Variants in ASNS observed in about 807,000 individuals in gnomAD.
ASNS encodes the protein asparagine synthetase (glutamine-hydrolyzing).
Under a neutral mutation model 62.6 loss-of-function variants are expected in ASNS, and 37 were observed. The ratio of observed to expected loss-of-function variants is 0.59; its 90% CI spans 0.45 to 0.78. The LOEUF (loss-of-function observed/expected upper bound fraction) is 0.78. Among genes scored for constraint, ASNS ranks in the 30% least tolerant of loss-of-function variants. ASNS has a pLI of 0.00. For synonymous variants in ASNS, 207 were observed against 237.9 expected (o/e 0.87, Z 1.19); for missense variants, 520 against 682.4 (o/e 0.76, Z 2.65).
the ASNS span, among the ~76,000 whole-genome samples, chr7:97,925,982 G>A: frequency 2.0e-5 from 3 of 152,054 alleles, no homozygotes; most frequent in Non-Finnish European, 4.4e-5. Flanking sequence ...AATGGGATGG[G>A]TGTTTATGGA....
At chr7:97,867,127 C>T (rs77007809) in intron 3 of ASNS, among the ~76,000 whole-genome samples, 17,340 of 130,978 alleles carry the variant, frequency 0.13, 2,025 homozygotes, top group South Asian at 0.23. Flanking sequence ...TGCCTCCTGA[C>T]GTCATGCTGT....
chr7:97,927,899 G>C, the ASNS span, among the ~76,000 whole-genome samples: 2 of 152,284 alleles, frequency 1.3e-5, no homozygotes, highest in Admixed American at 6.5e-5. Context: ...GACTGGGCAG[G>C]GGGGCTCTGA....
chr7:97,864,156 T>C, intron 4 of ASNS, 103 bp downstream of exon 4: 4 of 1,041,612 alleles, frequency 3.8e-6, no homozygotes, highest in Non-Finnish European at 5.5e-6. Context: ...ACTTAGTCAC[T>C]TGTAAAATTC....
At chr7:97,897,016 A>G in the ASNS span, among the ~76,000 whole-genome samples, 60 of 151,940 alleles carry the variant, frequency 3.9e-4, no homozygotes, top group African/African-American at 1.4e-3. Context: ...ACTTACAAAA[A>G]TAAACTCAAA....
At chr7:97,896,732 A>AC in the ASNS span, among the ~76,000 whole-genome samples, 31 of 58,618 alleles carry the variant, frequency 5.3e-4, no homozygotes, top group African/African-American at 2.0e-3. Flanking sequence ...ACACACACAC[A>AC]CACACACACA....
the ASNS span, among the ~76,000 whole-genome samples, chr7:97,883,412 C>CTGGA: frequency 1.3e-5 from 2 of 152,086 alleles, no homozygotes; most frequent in African/African-American, 4.8e-5. Flanking sequence ...CTTACCTTCC[C>CTGGA]TCCAGCCCAC....
chr7:97,887,219 G>A, the ASNS span, among the ~76,000 whole-genome samples: 10 of 152,286 alleles, frequency 6.6e-5, no homozygotes, highest in Non-Finnish European at 1.0e-4. Context: ...GGAGTCGGCC[G>A]TGCACAATTA....
At chr7:97,882,515 T>A in the ASNS span, among the ~76,000 whole-genome samples, 1 of 151,408 alleles carries the variant, frequency 6.6e-6, no homozygotes, top group Non-Finnish European at 1.5e-5. Context: ...ATCACTGCAC[T>A]CCAGCCTGGA....
intron 2 of ASNS, 122 bp from the exon 3 acceptor site, chr7:97,869,301 A>C (rs1278622314): frequency 6.0e-6 from 7 of 1,167,108 alleles, no homozygotes; most frequent in Middle Eastern, 2.7e-4. Context: ...CATCTTTTCT[A>C]TAGCGATTTC....
intron 8 of ASNS, among the ~76,000 whole-genome samples, chr7:97,856,046 A>T (rs1003541071): frequency 3.3e-5 from 5 of 152,168 alleles, no homozygotes; most frequent in African/African-American, 1.2e-4. Flanking sequence ...CCCCAGCCCC[A>T]TGAAATTCCA....
intron 4 of ASNS, among the ~76,000 whole-genome samples, chr7:97,860,972 G>A (rs1390767325): frequency 7.0e-6 from 1 of 142,770 alleles, no homozygotes; most frequent in African/African-American, 2.6e-5. Context: ...GGATTTTATA[G>A]TTTTAGCCCT....
chr7:97,853,542 T>C (rs972606406), intron 10 of ASNS, among the ~76,000 whole-genome samples, 156 bp from the exon 11 acceptor site: 1 of 152,210 alleles, frequency 6.6e-6, no homozygotes. Context: ...CCTACACTAA[T>C]GAATAGATAC....
the ASNS span, among the ~76,000 whole-genome samples, chr7:97,918,586 T>C: frequency 2.7e-3 from 407 of 152,324 alleles, 2 homozygotes; most frequent in African/African-American, 9.5e-3. Context: ...AAATATAGCA[T>C]TATTCCATTT....
chr7:97,852,553 G>A (rs1382890669), intron 12 of ASNS, 85 bp from the exon 13 acceptor site: 3 of 1,309,042 alleles, frequency 2.3e-6, no homozygotes, highest in African/African-American at 1.5e-5. Flanking sequence ...AACAGAAAAT[G>A]TTAAGACGTG....
At chr7:97,875,481 G>C (rs1434497074), upstream of ASNS, among the ~76,000 whole-genome samples, 3 of 152,216 alleles carry the variant, frequency 2.0e-5, no homozygotes, top group Non-Finnish European at 4.4e-5. Context: ...TCTGGGCTGT[G>C]TTAGGGCATT....
the ASNS span, among the ~76,000 whole-genome samples, chr7:97,883,454 G>GT: frequency 6.8e-6 from 1 of 147,794 alleles, no homozygotes; most frequent in Non-Finnish European, 1.5e-5. Flanking sequence ...AGTCACGTGG[G>GT]TTTTACCTCC....
the ASNS span, among the ~76,000 whole-genome samples, chr7:97,901,105 T>C: frequency 6.6e-6 from 1 of 152,252 alleles, no homozygotes; most frequent in East Asian, 1.9e-4. Flanking sequence ...TAGTAGACGC[T>C]GCAGGATGAG....
At chr7:97,888,708 G>A in the ASNS span, among the ~76,000 whole-genome samples, 1 of 152,192 alleles carries the variant, frequency 6.6e-6, no homozygotes, top group Non-Finnish European at 1.5e-5. Flanking sequence ...CTGTTCTACT[G>A]AGGGAATTCC....
the ASNS span, among the ~76,000 whole-genome samples, chr7:97,886,939 C>T: frequency 6.6e-6 from 1 of 152,170 alleles, no homozygotes; most frequent in South Asian, 2.1e-4. Context: ...GAGTGCCCCC[C>T]ACATAGACAC....
Sources: allele counts gnomAD v4.1 joint callset (sites outside exome capture counted in the v4.1 genomes callset), GRCh38; gene constraint gnomAD v4.1.1; transcripts MANE v1.5; gene names NCBI Gene and HGNC (gene_info 2026-07-23, HGNC 2026-07-21).